The following C17orf67 variants were observed in gnomAD, a reference collection of about 807,000 sequenced individuals.
The protein encoded by C17orf67 is chromosome 17 open reading frame 67.
A neutral mutation model predicts 11.2 loss-of-function variants in C17orf67; 12 were observed. The ratio of observed to expected loss-of-function variants is 1.07; its 90% CI spans 0.68 to 1.73. The LOEUF is 1.73. C17orf67 is among the 40% of genes most tolerant of loss of function. C17orf67 has a pLI of 0.00. For missense variants in C17orf67, 115 were observed against 113.5 expected (o/e 1.01, Z -0.06); for synonymous variants, 59 against 46.9 (o/e 1.26, Z -1.05).
intron 6 of C17orf67, among the ~76,000 whole-genome samples, chr17:56,801,281 A>G (rs939887950): frequency 2.0e-5 from 3 of 152,214 alleles, no homozygotes; most frequent in African/African-American, 7.2e-5. Context: ...ATACTCAGTC[A>G]TATTTGTGAT....
chr17:56,805,628 AG>A (rs1049522154), intron 6 of C17orf67, among the ~76,000 whole-genome samples: 8 of 152,242 alleles, frequency 5.3e-5, no homozygotes, highest in African/African-American at 1.4e-4. Flanking sequence ...GTATACTAAA[AG>A]CTTTAAAAAT....
intron 2 of C17orf67, among the ~76,000 whole-genome samples, 162 bp downstream of exon 2, chr17:56,832,736 T>C (rs1296939641): frequency 6.6e-6 from 1 of 152,206 alleles, no homozygotes; most frequent in Non-Finnish European, 1.5e-5. Flanking sequence ...AAAGTTCAGT[T>C]CCGTTCACGA....
Position 56,814,916 on chromosome 17 carries a change from G to A in C17orf67, c.109C>T (p.Arg37Ter), listed in dbSNP as rs775112986. The A allele has an allele frequency of 1.3e-5, 21 of 1,613,926 alleles. No homozygotes were observed. The highest frequency in any genetic ancestry group is 6.6e-5 in the South Asian group (6 of 91,072). The stretch of plus-strand genomic sequence containing the variant: ...CCGGGTTTGCTTGGTCTATCCTGTC[G>A]CCGAGATCTTAGGAGCTGTTTGGCC... Reference protein sequence around the residue: ...KQAKQLLRSRRQDRPSKPGFP... With the variant: ...KQAKQLLRSR The change falls in exon 6 of 8, where the codon CGA (arginine) becomes TGA (stop). Residue 37 changes from arginine to a stop codon, truncating the protein, a stop_gained. Transcript: ENST00000397861. LOFTEE classifies it high-confidence loss of function.
chr17:56,823,203 A>G (rs1905947568), intron 4 of C17orf67, among the ~76,000 whole-genome samples: 2 of 152,208 alleles, frequency 1.3e-5, no homozygotes, highest in South Asian at 4.1e-4. Context: ...TCTAATTGGA[A>G]GAGAAAAGCT....
intron 6 of C17orf67, among the ~76,000 whole-genome samples, chr17:56,812,548 G>A (rs1021615482): frequency 1.2e-4 from 19 of 152,258 alleles, no homozygotes; most frequent in African/African-American, 4.6e-4. Context: ...AATGCCTGAG[G>A]ATTCTGGACA....
chr17:56,819,728 T>G (rs771323855), intron 4 of C17orf67, among the ~76,000 whole-genome samples: 3 of 152,154 alleles, frequency 2.0e-5, no homozygotes, highest in Non-Finnish European at 1.5e-5. Flanking sequence ...TGAGTGTCAC[T>G]CAGGCGGTGA....
intron 4 of C17orf67, among the ~76,000 whole-genome samples, chr17:56,817,451 T>C (rs1055626390): frequency 6.6e-6 from 1 of 152,076 alleles, no homozygotes; most frequent in East Asian, 1.9e-4. Flanking sequence ...CAAATATATA[T>C]ATATATAAGT....
chr17:56,802,466 G>A (rs1427578449), intron 6 of C17orf67, among the ~76,000 whole-genome samples: 4 of 152,206 alleles, frequency 2.6e-5, no homozygotes, highest in Admixed American at 6.5e-5. Context: ...CTCCAGCTCC[G>A]GGAACCGTCT....
At chr17:56,818,139 C>T (rs1027407902) in intron 4 of C17orf67, among the ~76,000 whole-genome samples, 2 of 149,236 alleles carry the variant, frequency 1.3e-5, no homozygotes, top group African/African-American at 5.0e-5. Flanking sequence ...CCAACACGTG[C>T]AGCTAGTAGC....
intron 4 of C17orf67, among the ~76,000 whole-genome samples, chr17:56,820,443 C>A (rs1381096606): frequency 1.3e-5 from 2 of 152,134 alleles, no homozygotes; most frequent in African/African-American, 4.8e-5. Context: ...CACACACCCA[C>A]CCACACACAC....
chr17:56,830,152 G>A (rs1035110952), intron 2 of C17orf67, among the ~76,000 whole-genome samples: 3 of 151,360 alleles, frequency 2.0e-5, no homozygotes, highest in Admixed American at 6.6e-5. Flanking sequence ...GACCATCCTC[G>A]CTAACATGGT....
At chr17:56,798,731 G>A (rs937090800) in intron 6 of C17orf67, among the ~76,000 whole-genome samples, 1 of 152,198 alleles carries the variant, frequency 6.6e-6, no homozygotes, top group Admixed American at 6.5e-5. Context: ...TACTCAGGAA[G>A]CTGAGGTGAG....
rs76061142 is a variant in C17orf67 at position 56,824,967 on chromosome 17, A to G, written c.-316+114T>C. 22 of 152,342 alleles carry G rather than the reference A, an allele frequency of 1.4e-4. 2 individuals carry two copies. The East Asian group carries it at 3.7e-3, about 25-fold the overall frequency. The allele number at this position is 152,342 out of a possible 1,614,324, so 9.4% of individuals were successfully genotyped here. A position where few individuals can be genotyped will look rare whatever the true frequency, so the allele number is the denominator to read the frequency against. ...ACACAAGAGCTCTCAAATCTTCAAT[A>G]TGTTAACCAGGTTTTTACTATTATT... On this transcript the variant is annotated intron_variant, in intron 3 of 7. Transcript: ENST00000397861.
At position 56,818,350 on chromosome 17, in the gene C17orf67, A is replaced by G. The variant is rs143793899; in HGVS notation, c.-200-2340T>C. ...TAGCTATAAATTTCTAATGTGTCCAATGTAAATTTACAATAGAAGTATTTT... is the reference window on the plus strand; with the variant it reads ...TAGCTATAAATTTCTAATGTGTCCAGTGTAAATTTACAATAGAAGTATTTT... On this transcript the variant is annotated intron_variant, in intron 4 of 7. Coordinates refer to ENST00000397861, the MANE Select transcript of C17orf67 (RefSeq NM_001085430.4). 1.4e-4 allele frequency among the ~76,000 whole-genome samples: 22 copies of G among 152,272 alleles called. No individual in the cohort carries two copies. The East Asian group carries it at 2.9e-3, about 20-fold the overall frequency.
At chr17:56,821,448 T>C in intron 4 of C17orf67, among the ~76,000 whole-genome samples, 1 of 152,188 alleles carries the variant, frequency 6.6e-6, no homozygotes, top group East Asian at 1.9e-4. Context: ...AAAGCAATGA[T>C]AGTAACTCCA....
chr17:56,801,426 C>T (rs143328479), intron 6 of C17orf67, among the ~76,000 whole-genome samples: 263 of 152,248 alleles, frequency 1.7e-3, no homozygotes, highest in African/African-American at 6.1e-3. Flanking sequence ...TTTTAGAACA[C>T]CCTCTAGGAA....
chr17:56,828,336 C>T (rs536664723), intron 2 of C17orf67, among the ~76,000 whole-genome samples: 4 of 151,172 alleles, frequency 2.6e-5, no homozygotes, highest in Non-Finnish European at 4.4e-5. Flanking sequence ...ACCCAGGAGG[C>T]GGAGGTTGTG....
At chr17:56,820,881 T>C (rs182079844) in intron 4 of C17orf67, among the ~76,000 whole-genome samples, 55 of 148,958 alleles carry the variant, frequency 3.7e-4, no homozygotes, top group African/African-American at 1.1e-3. Flanking sequence ...CACACTGAAC[T>C]ATAGAAACTT....
intron 4 of C17orf67, among the ~76,000 whole-genome samples, chr17:56,821,951 C>T (rs149933560): frequency 8.3e-4 from 127 of 152,316 alleles, no homozygotes; most frequent in African/African-American, 2.0e-3. Context: ...ACCTTCCCCC[C>T]GTTGGCTACT....
Sources: allele counts gnomAD v4.1 joint callset (sites outside exome capture counted in the v4.1 genomes callset), GRCh38; gene constraint gnomAD v4.1.1; transcripts MANE v1.5; gene names NCBI Gene and HGNC (gene_info 2026-07-23, HGNC 2026-07-21).